Variants in CALN1 observed in about 807,000 individuals in gnomAD.
The protein encoded by CALN1 is calcium-binding protein 8.
Under a neutral mutation model 30.6 loss-of-function variants are expected in CALN1, and 17 were observed. That is an observed-to-expected ratio of 0.56 (90% CI 0.38 to 0.83). The LOEUF (loss-of-function observed/expected upper bound fraction) is 0.83. CALN1 is among the 40% of genes least tolerant of loss of function. The pLI is 0.00. For synonymous variants in CALN1, 156 were observed against 131.4 expected (o/e 1.19, Z -1.28); for missense variants, 291 against 354.9 (o/e 0.82, Z 1.45).
chr7:72,300,643 T>C (rs776545924), intron 2 of CALN1, among the ~76,000 whole-genome samples: 2 of 152,144 alleles, frequency 1.3e-5, no homozygotes, highest in Non-Finnish European at 2.9e-5. Context: ...GGGAACAAAA[T>C]AGAATAAGTG....
intron 6 of CALN1, among the ~76,000 whole-genome samples, chr7:71,794,671 C>T (rs1353928842): frequency 6.6e-6 from 1 of 152,216 alleles, no homozygotes; most frequent in Admixed American, 6.5e-5. Context: ...AAATTTCATT[C>T]TTGCATCCCC....
intron 5 of CALN1, among the ~76,000 whole-genome samples, chr7:71,836,830 T>G (rs1032902945): frequency 6.6e-6 from 1 of 151,474 alleles, no homozygotes; most frequent in African/African-American, 2.4e-5. Flanking sequence ...GTTGGCCAGG[T>G]CGGTCTCAAA....
intron 5 of CALN1, among the ~76,000 whole-genome samples, chr7:71,876,003 A>C (rs952008377): frequency 6.6e-6 from 1 of 152,194 alleles, no homozygotes; most frequent in Non-Finnish European, 1.5e-5. Flanking sequence ...CCTATTTATC[A>C]GATGAGAGGT....
intron 4 of CALN1, among the ~76,000 whole-genome samples, chr7:72,069,131 T>C (rs1347160954): frequency 6.6e-6 from 1 of 152,158 alleles, no homozygotes; most frequent in Non-Finnish European, 1.5e-5. Flanking sequence ...CAAGTGACAC[T>C]GCAAAGTGGC....
intron 1 of CALN1, among the ~76,000 whole-genome samples, chr7:72,442,074 C>T (rs1048617284): frequency 2.6e-5 from 4 of 152,150 alleles, no homozygotes; most frequent in Non-Finnish European, 5.9e-5. Context: ...AACTCACCAA[C>T]CCATCAACAC....
chr7:72,338,804 A>G (rs950957725), intron 2 of CALN1, among the ~76,000 whole-genome samples: 6 of 152,118 alleles, frequency 3.9e-5, no homozygotes, highest in Admixed American at 1.3e-4. Flanking sequence ...TTTGAGTTAC[A>G]AACAGTCCAA....
intron 3 of CALN1, among the ~76,000 whole-genome samples, chr7:72,274,185 G>C (rs1320003262): frequency 6.6e-6 from 1 of 152,126 alleles, no homozygotes; most frequent in East Asian, 1.9e-4. Context: ...GTAAACTTCA[G>C]ATGGAGGTGA....
At chr7:72,088,551 T>C (rs1306077173) in intron 4 of CALN1, among the ~76,000 whole-genome samples, 1 of 151,544 alleles carries the variant, frequency 6.6e-6, no homozygotes, top group Non-Finnish European at 1.5e-5. Context: ...ATACAAAAAT[T>C]AGCCAGGCAT....
chr7:72,099,885 C>T (rs1278133789), intron 4 of CALN1, among the ~76,000 whole-genome samples: 1 of 152,212 alleles, frequency 6.6e-6, no homozygotes, highest in Non-Finnish European at 1.5e-5. Context: ...AGAAGTTCTG[C>T]TTTCAGCATT....
chr7:72,386,081 A>G (rs79730066), intron 2 of CALN1, among the ~76,000 whole-genome samples: 21 of 152,214 alleles, frequency 1.4e-4, no homozygotes, highest in Non-Finnish European at 3.1e-4. Flanking sequence ...AGGCAAAACT[A>G]TGAGGGATAA....
chr7:72,318,777 C>G (rs1800667040), intron 2 of CALN1, among the ~76,000 whole-genome samples: 1 of 115,202 alleles, frequency 8.7e-6, no homozygotes, highest in Non-Finnish European at 1.6e-5. Flanking sequence ...GTCTCAAACT[C>G]TTGGACTCAA....
Position 71,791,883 on chromosome 7 carries a change from C to T in CALN1, c.659-3981G>A, listed in dbSNP as rs191686329. ...AAAATTAGCCGGGCGTGTTGGCGGGCGCCTGCAGTCCCAGCTACTGGGGAG... is the reference window on the plus strand; with the variant it reads ...AAAATTAGCCGGGCGTGTTGGCGGGTGCCTGCAGTCCCAGCTACTGGGGAG... On this transcript the variant is annotated intron_variant, in intron 6 of 6. Transcript: ENST00000395275. 3.0e-3 allele frequency among the ~76,000 whole-genome samples: 458 copies of T among 152,164 alleles called. 3 individuals carry two copies. The highest frequency in any genetic ancestry group is 0.011 in the African/African-American group (437 of 41,520).
At chr7:72,427,351 T>C (rs1807829152) in intron 1 of CALN1, among the ~76,000 whole-genome samples, 1 of 152,106 alleles carries the variant, frequency 6.6e-6, no homozygotes. Context: ...CCCCAATTGT[T>C]TCATCAGCAA....
At chr7:72,194,741 G>A (rs997813075) in intron 3 of CALN1, among the ~76,000 whole-genome samples, 2 of 151,726 alleles carry the variant, frequency 1.3e-5, no homozygotes, top group Non-Finnish European at 2.9e-5. Context: ...ACAGGTGCCA[G>A]CCACCACGGC....
intron 4 of CALN1, among the ~76,000 whole-genome samples, chr7:72,073,620 T>C (rs183492609): frequency 6.6e-6 from 1 of 151,916 alleles, no homozygotes; most frequent in Non-Finnish European, 1.5e-5. Context: ...CCTTTCTTTC[T>C]TTCTTTCTCT....
At chr7:72,307,168 T>C (rs1458809095) in intron 2 of CALN1, among the ~76,000 whole-genome samples, 4 of 152,208 alleles carry the variant, frequency 2.6e-5, no homozygotes, top group Non-Finnish European at 5.9e-5. Context: ...TTTAAGAGAT[T>C]CAAGCAGAAA....
chr7:72,388,374 AAAAC>A (rs1411587161), intron 2 of CALN1, among the ~76,000 whole-genome samples: 9 of 152,128 alleles, frequency 5.9e-5, no homozygotes, highest in South Asian at 2.1e-4. Context: ...AAATGCAAAA[AAAAC>A]AAACAAAAAA....
chr7:72,229,676 A>G (rs1460648306), intron 3 of CALN1, among the ~76,000 whole-genome samples: 2 of 151,970 alleles, frequency 1.3e-5, no homozygotes, highest in Non-Finnish European at 2.9e-5. Context: ...GCCAACTAAC[A>G]CAGGAACAGA....
At chr7:71,881,714 C>T (rs1792578675) in intron 5 of CALN1, among the ~76,000 whole-genome samples, 1 of 152,044 alleles carries the variant, frequency 6.6e-6, no homozygotes, top group Non-Finnish European at 1.5e-5. Flanking sequence ...ATCAGGGTCC[C>T]AGTGCTGCTA....
Sources: gnomAD v4.1 joint callset for allele counts (sites outside exome capture counted in the v4.1 genomes callset) on GRCh38, gnomAD v4.1.1 for gene constraint, MANE v1.5 for transcripts, NCBI Gene and HGNC (gene_info 2026-07-23, HGNC 2026-07-21) for gene names.